The following SMIM13 variants were observed in gnomAD, a reference collection of about 807,000 sequenced individuals.
SMIM13 encodes UPF0766 protein C6orf228.
Under a neutral mutation model 5.9 loss-of-function variants are expected in SMIM13, and 3 were observed. That is an observed-to-expected ratio of 0.51 (90% CI 0.23 to 1.31). The LOEUF (loss-of-function observed/expected upper bound fraction) is 1.31. Ranked by LOEUF, SMIM13 falls within the 40% of genes most tolerant of loss-of-function variation. The pLI is 0.18. For synonymous variants in SMIM13, 55 were observed against 46.0 expected, an observed-to-expected ratio of 1.19 and a Z score of -0.79; for missense variants, 85 against 109.9, an observed-to-expected ratio of 0.77 and a Z score of 1.01.
At chr6:11,105,347 CA>C in intron 1 of SMIM13, 3 of 1,486,620 alleles carry the variant, frequency 2.0e-6, no homozygotes, top group Non-Finnish European at 2.8e-6. Context: ...AACGAGCTGC[CA>C]ATGGAACTCC....
chr6:11,107,012 A>G (rs1370128466), intron 1 of SMIM13, among the ~76,000 whole-genome samples: 2 of 152,192 alleles, frequency 1.3e-5, no homozygotes, highest in East Asian at 1.9e-4. Context: ...CTAATTGCAC[A>G]GAGGTCCCCG....
chr6:11,121,807 C>G (rs1232911324), intron 1 of SMIM13, among the ~76,000 whole-genome samples: 1 of 152,234 alleles, frequency 6.6e-6, no homozygotes, highest in Non-Finnish European at 1.5e-5. Flanking sequence ...TTTATGTCCA[C>G]TTCTGACTAT....
At chr6:11,109,634 A>G (rs1758139965) in intron 1 of SMIM13, among the ~76,000 whole-genome samples, 3 of 152,214 alleles carry the variant, frequency 2.0e-5, no homozygotes, top group Admixed American at 2.0e-4. Flanking sequence ...GGTGGTAGCA[A>G]AACAAATCTA....
intron 1 of SMIM13, 91 bp downstream of exon 1, chr6:11,094,480 C>T: frequency 9.6e-7 from 1 of 1,039,284 alleles, no homozygotes; most frequent in African/African-American, 1.6e-5. Context: ...TTGAAAAAAA[C>T]AAAAGGGCGT....
In SMIM13 at chr6:11,135,444, C is replaced by T. The variant is rs1758506263; in HGVS notation, c.*842C>T. ...CCCTAGGAATTGATGAAACAAAATTCAAAGCCACAAGAGGCTGGTGTGACC... is the reference window on the plus strand; with the variant it reads ...CCCTAGGAATTGATGAAACAAAATTTAAAGCCACAAGAGGCTGGTGTGACC... On this transcript the variant is annotated 3_prime_UTR_variant, in exon 2 of 2. Transcript: ENST00000416247. The T allele has an allele frequency of 6.6e-6, 1 of 152,560 alleles. No individual in the cohort carries two copies. The highest frequency in any genetic ancestry group is 2.4e-5 in the African/African-American group (1 of 41,436). The allele number at this position is 152,560 out of a possible 1,614,324, so 9.5% of individuals were successfully genotyped here.
chr6:11,134,364 TG>T (rs1238397347), intron 1 of SMIM13, 38 bp from the exon 2 acceptor site: 1 of 1,443,580 alleles, frequency 6.9e-7, no homozygotes, highest in African/African-American at 1.4e-5. Flanking sequence ...TAACATTGTG[TG>T]TAATAACTTT....
chr6:11,103,800 A>T (rs1758036769), intron 1 of SMIM13: 1 of 1,551,728 alleles, frequency 6.4e-7, no homozygotes, highest in Non-Finnish European at 8.7e-7. Context: ...TATTAGATTT[A>T]GGAGACATGG....
intron 1 of SMIM13, among the ~76,000 whole-genome samples, chr6:11,111,991 A>G (rs905639420): frequency 3.9e-5 from 6 of 152,128 alleles, no homozygotes; most frequent in Non-Finnish European, 8.8e-5. Flanking sequence ...GCTTGAGCCC[A>G]CTTGCCCAGC....
At chr6:11,116,982 C>CTTTTTTTTTTTTTTTTTTTTTTTTTTTT (rs68092921) in intron 1 of SMIM13, among the ~76,000 whole-genome samples, 3 of 46,452 alleles carry the variant, frequency 6.5e-5, no homozygotes, top group African/African-American at 1.8e-4. Flanking sequence ...ATAATTGTTT[C>CTTTTTTTTTTTTTTTTTTTTTTTTTTTT]TTTTTTTTTT....
intron 1 of SMIM13, among the ~76,000 whole-genome samples, chr6:11,128,256 G>A (rs1758403871): frequency 6.6e-6 from 1 of 152,142 alleles, no homozygotes; most frequent in African/African-American, 2.4e-5. Context: ...CTAGGACTGG[G>A]TCTTTCCATT....
At chr6:11,101,552 A>G (rs1027964659) in intron 1 of SMIM13, among the ~76,000 whole-genome samples, 4 of 152,228 alleles carry the variant, frequency 2.6e-5, no homozygotes, top group Middle Eastern at 3.4e-3. Flanking sequence ...GTTTGGGGCT[A>G]GGGTTTAAGG....
chr6:11,101,383 A>G (rs1191795043), intron 1 of SMIM13, among the ~76,000 whole-genome samples: 2 of 152,240 alleles, frequency 1.3e-5, no homozygotes, highest in African/African-American at 4.8e-5. Flanking sequence ...TAATTCAGGA[A>G]TACTGAGGTT....
At chr6:11,121,304 T>C (rs72825136) in intron 1 of SMIM13, among the ~76,000 whole-genome samples, 3,064 of 152,310 alleles carry the variant, frequency 0.02, 47 homozygotes, top group South Asian at 0.049. Flanking sequence ...CCCATGCCCA[T>C]AGAATAAGAG....
At chr6:11,102,587 A>G (rs1758011281) in intron 1 of SMIM13, 1 of 152,232 alleles carries the variant, frequency 6.6e-6, no homozygotes, top group Non-Finnish European at 1.5e-5. Context: ...ACAAGGGGGA[A>G]AATTTTATAA....
At chr6:11,117,638 A>G (rs1000356304) in intron 1 of SMIM13, among the ~76,000 whole-genome samples, 1 of 151,864 alleles carries the variant, frequency 6.6e-6, no homozygotes, top group African/African-American at 2.4e-5. Context: ...TTTCGTTATC[A>G]GTTTCTAATT....
intron 1 of SMIM13, among the ~76,000 whole-genome samples, chr6:11,120,017 C>T (rs1477859429): frequency 6.6e-6 from 1 of 152,140 alleles, no homozygotes; most frequent in African/African-American, 2.4e-5. Flanking sequence ...ATAGATGAGC[C>T]TTTGCTGCCT....
rs535211825 is a variant in SMIM13, at chr6:11,113,232, A to G, written c.76+18843A>G. Among the ~76,000 whole-genome samples the G allele has an allele frequency of 2.6e-5, 4 of 152,322 alleles. No individual in the cohort carries two copies. The South Asian group carries it at 8.3e-4, about 32-fold the overall frequency. On this transcript the variant is annotated intron_variant, in intron 1 of 1. Coordinates refer to ENST00000416247, the MANE Select transcript of SMIM13 (RefSeq NM_001135575.2). ...TTCATTTCTCTTGAGAAACTGCCAA[A>G]CATTTGCATTGCCAGCAGTCATGAG...
intron 1 of SMIM13, chr6:11,105,521 A>G (rs1216559544): frequency 3.7e-6 from 2 of 540,918 alleles, no homozygotes; most frequent in East Asian, 3.2e-5. Context: ...GTGCCTTGCA[A>G]GTGTATTCCG....
chr6:11,127,130 C>G (rs990730750), intron 1 of SMIM13, among the ~76,000 whole-genome samples: 1 of 152,202 alleles, frequency 6.6e-6, no homozygotes, highest in African/African-American at 2.4e-5. Context: ...ATGGTGACCA[C>G]TGCCTGGCTG....
Sources: allele counts gnomAD v4.1 joint callset (sites outside exome capture counted in the v4.1 genomes callset), GRCh38; gene constraint gnomAD v4.1.1; transcripts MANE v1.5; gene names NCBI Gene and HGNC (gene_info 2026-07-23, HGNC 2026-07-21).